SHTN1: variants seen among roughly 807,000 people sequenced by gnomAD.
SHTN1 encodes the protein shootin 1, also known as shootin-1.
SHTN1 carries 42 observed loss-of-function variants against 83.1 expected under a neutral mutation model. The observed-to-expected ratio is 0.51, with a 90% CI of 0.39 to 0.65. SHTN1 has a LOEUF of 0.65. Among genes scored for constraint, SHTN1 ranks in the 30% least tolerant of loss-of-function variants. The probability of loss-of-function intolerance (pLI) is 0.00; values close to 1 mark genes in which losing one functional copy is unlikely to be tolerated. For missense variants in SHTN1, 622 were observed against 737.8 expected (o/e 0.84, Z 1.82); for synonymous variants, 224 against 247.7 (o/e 0.90, Z 0.90).
chr10:116,971,298 C>T (rs901131119), intron 2 of SHTN1, among the ~76,000 whole-genome samples: 2 of 152,126 alleles, frequency 1.3e-5, no homozygotes, highest in African/African-American at 4.8e-5. Context: ...TAAGGTTTCC[C>T]GTGGCAATCC....
chr10:116,896,732 C>A (rs1847534235), intron 16 of SHTN1, among the ~76,000 whole-genome samples: 1 of 152,116 alleles, frequency 6.6e-6, no homozygotes, highest in African/African-American at 2.4e-5. Context: ...CATCTTCTCA[C>A]CCATTTTCTC....
chr10:117,089,977 G>A (rs2090602233), intron 1 of SHTN1, among the ~76,000 whole-genome samples: 1 of 152,130 alleles, frequency 6.6e-6, no homozygotes, highest in Non-Finnish European at 1.5e-5. Flanking sequence ...CACTGTTGGC[G>A]AGAATGTAAA....
intron 1 of SHTN1, among the ~76,000 whole-genome samples, chr10:117,058,346 G>T (rs1852854862): frequency 6.6e-6 from 1 of 152,044 alleles, no homozygotes; most frequent in Non-Finnish European, 1.5e-5. Flanking sequence ...CAAACAACCT[G>T]ATTCAAAAAT....
intron 11 of SHTN1, among the ~76,000 whole-genome samples, chr10:116,923,532 T>C (rs1399489665): frequency 2.0e-5 from 3 of 151,638 alleles, no homozygotes; most frequent in Admixed American, 6.6e-5. Context: ...GTTCAGAAGA[T>C]ATCATCACCC....
At chr10:117,093,564 C>T (rs1016011708) in intron 1 of SHTN1, among the ~76,000 whole-genome samples, 31 of 152,224 alleles carry the variant, frequency 2.0e-4, no homozygotes, top group African/African-American at 7.5e-4. Context: ...TCAAAAAAGT[C>T]ATGTCAAAAG....
At position 117,005,123 on chromosome 10, in the gene SHTN1, G is replaced by T; in HGVS notation, c.-44C>A. ...GAATAAAAGGGAAAGAGGGAGCGGC[G>T]CGGGGCACACAGGAGGAGGGGGAAG... On this transcript the variant is annotated 5_prime_UTR_variant, in exon 1 of 17. Transcript: ENST00000355371. The T allele has an allele frequency of 6.4e-7, 1 of 1,569,036 alleles. No individual in the cohort carries two copies. The highest frequency in any genetic ancestry group is 8.6e-7 in the Non-Finnish European group (1 of 1,156,314).
At chr10:116,944,055 C>T (rs1005475769) in intron 8 of SHTN1, among the ~76,000 whole-genome samples, 1 of 152,160 alleles carries the variant, frequency 6.6e-6, no homozygotes, top group Non-Finnish European at 1.5e-5. Flanking sequence ...AATGAATGTA[C>T]TACATGGCAG....
At chr10:116,993,614 C>G (rs549954441) in intron 1 of SHTN1, among the ~76,000 whole-genome samples, 1 of 152,026 alleles carries the variant, frequency 6.6e-6, no homozygotes, top group African/African-American at 2.4e-5. Flanking sequence ...CTAACATACA[C>G]GTGCTGTAAA....
In SHTN1 at chr10:116,921,427, T is replaced by C. The variant is rs1234283128; in HGVS notation, c.1195+7A>G. 2 of 1,608,112 alleles carry C rather than the reference T, an allele frequency of 1.2e-6. No individual in the cohort carries two copies. Among genetic ancestry groups the C allele is most frequent in the Non-Finnish European group, 1.7e-6 (2 of 1,175,064 alleles). On this transcript the variant is annotated splice_region_variant and intron_variant, in intron 12 of 16. Coordinates refer to ENST00000355371, the MANE Select transcript of SHTN1 (RefSeq NM_001127211.3). ...CAACCACTTACACCAATAGAAGTGA[T>C]GCTTACTTGTTTCTGGTTGAGTTGC...
chr10:117,084,954 T>G (rs182128913), intron 1 of SHTN1, among the ~76,000 whole-genome samples: 1,804 of 152,234 alleles, frequency 0.012, 45 homozygotes, highest in African/African-American at 0.04. Context: ...CCTAGTGAGA[T>G]GAACCCGGTA....
intron 2 of SHTN1, among the ~76,000 whole-genome samples, chr10:117,047,903 CAAA>C (rs58029184): frequency 7.2e-6 from 1 of 139,568 alleles, no homozygotes; most frequent in Non-Finnish European, 1.5e-5. Flanking sequence ...AGGCATGAGC[CAAA>C]AAAAAAAAAA....
At chr10:116,959,029 A>G (rs1486411970) in intron 4 of SHTN1, among the ~76,000 whole-genome samples, 1 of 152,214 alleles carries the variant, frequency 6.6e-6, no homozygotes, top group Non-Finnish European at 1.5e-5. Context: ...GATTCAGAGC[A>G]GCTAGCAGGC....
At chr10:117,078,449 C>T (rs1853196196) in intron 1 of SHTN1, among the ~76,000 whole-genome samples, 1 of 152,158 alleles carries the variant, frequency 6.6e-6, no homozygotes, top group African/African-American at 2.4e-5. Flanking sequence ...TATGATATGC[C>T]ACACCTATGA....
At position 116,911,835 on chromosome 10, in the gene SHTN1, A is replaced by G. The variant is rs567530758; in HGVS notation, c.1314T>C (p.Ser438=). 1 of 1,610,932 alleles carries G rather than the reference A, an allele frequency of 6.2e-7. No individual in the cohort carries two copies. The highest frequency in any genetic ancestry group is 8.5e-7 in the Non-Finnish European group (1 of 1,177,204). ...QTARPKTKPE[S]SKGCESAVDE... ...CCACTGCACTTTCGCAGCCTTTCGAAGATTCTGGCTATAATTTTAATAAGA... is the reference window on the plus strand; with the variant it reads ...CCACTGCACTTTCGCAGCCTTTCGAGGATTCTGGCTATAATTTTAATAAGA... The change falls in exon 14 of 17, where the codon TCT becomes TCC. Residue 438 remains serine (S), a synonymous_variant. Transcript: ENST00000355371.
chr10:117,110,636 C>G (rs745892093), intron 1 of SHTN1, among the ~76,000 whole-genome samples: 2 of 151,776 alleles, frequency 1.3e-5, no homozygotes, highest in African/African-American at 2.4e-5. Flanking sequence ...GCTAGGATTA[C>G]AGGTGTGAGC....
At chr10:116,932,098 G>A (rs931665106) in intron 9 of SHTN1, among the ~76,000 whole-genome samples, 8 of 152,106 alleles carry the variant, frequency 5.3e-5, no homozygotes, top group Admixed American at 4.6e-4. Context: ...TCCCAGGCTC[G>A]CAATATGTAA....
At chr10:116,958,250 C>T (rs889386445) in intron 4 of SHTN1, among the ~76,000 whole-genome samples, 3 of 152,094 alleles carry the variant, frequency 2.0e-5, no homozygotes, top group Non-Finnish European at 4.4e-5. Flanking sequence ...AGAATGAAGT[C>T]ACACATATAA....
intron 2 of SHTN1, among the ~76,000 whole-genome samples, chr10:117,018,577 T>G (rs1852216433): frequency 6.7e-6 from 1 of 148,400 alleles, no homozygotes; most frequent in Admixed American, 6.7e-5. Flanking sequence ...CATTTTTTTT[T>G]TTTTTTTTTT....
chr10:117,055,490 G>A (rs1852814645), intron 1 of SHTN1, among the ~76,000 whole-genome samples: 1 of 152,190 alleles, frequency 6.6e-6, no homozygotes, highest in Non-Finnish European at 1.5e-5. Context: ...TCCTTTTAGA[G>A]TGATGAAATT....
Sources: allele counts gnomAD v4.1 joint callset (sites outside exome capture counted in the v4.1 genomes callset), GRCh38; gene constraint gnomAD v4.1.1; transcripts MANE v1.5; gene names NCBI Gene and HGNC (gene_info 2026-07-23, HGNC 2026-07-21).